FMNL2: variants seen among roughly 807,000 people sequenced by gnomAD.
FMNL2 encodes formin-like protein 2.
In FMNL2, 51 loss-of-function variants were observed where a neutral mutation model predicts 130.2. The ratio of observed to expected loss-of-function variants is 0.39; its 90% CI spans 0.31 to 0.49. The LOEUF (loss-of-function observed/expected upper bound fraction) is 0.49. Ranked by LOEUF, FMNL2 falls within the 20% of genes least tolerant of loss-of-function variation. FMNL2 has a pLI of 0.85. For missense variants in FMNL2, 977 were observed against 1,316.2 expected (o/e 0.74, Z 3.99); for synonymous variants, 465 against 467.1 (o/e 1.00, Z 0.06).
chr2:152,605,031 G>A (rs140312363), intron 9 of FMNL2, among the ~76,000 whole-genome samples: 1,597 of 151,612 alleles, frequency 0.011, 26 homozygotes, highest in African/African-American at 0.036. Context: ...TGTGACTGAT[G>A]TCATAGTCTA....
chr2:152,562,026 A>G (rs758645420), intron 6 of FMNL2, among the ~76,000 whole-genome samples: 2 of 152,208 alleles, frequency 1.3e-5, no homozygotes, highest in South Asian at 2.1e-4. Flanking sequence ...CATACCTACA[A>G]TCATTCATTC....
At chr2:152,363,728 A>T (rs1683324719) in intron 1 of FMNL2, among the ~76,000 whole-genome samples, 2 of 151,950 alleles carry the variant, frequency 1.3e-5, no homozygotes, top group African/African-American at 2.4e-5. Flanking sequence ...TGCCTGGCTA[A>T]TTTTTGTGTT....
chr2:152,573,866 TAATAAGTATG>T (rs1696318173), intron 6 of FMNL2, among the ~76,000 whole-genome samples: 1 of 152,216 alleles, frequency 6.6e-6, no homozygotes, highest in Admixed American at 6.5e-5. Context: ...CTTTAAATGT[TAATAAGTATG>T]TATGTGTTAT....
rs563256351 is a variant in FMNL2 at position 152,558,780 on chromosome 2, G to A, written c.400G>A (p.Asp134Asn). 6.2e-7 allele frequency: 1 copy of A among 1,612,302 alleles called. No homozygotes were observed. The highest frequency in any genetic ancestry group is 1.1e-5 in the South Asian group (1 of 90,972). Reference sequence around the variant, plus strand: ...TCTGAATGAAGAAAACAAAGGTCTTGATGTTCTAGTGGAATATCTCTCATT... The same window carrying A: ...TCTGAATGAAGAAAACAAAGGTCTTAATGTTCTAGTGGAATATCTCTCATT... ...EFLNEENKGL[D>N]VLVEYLSFAQ... Residue 134 changes from aspartate (D) to asparagine (N), a missense_variant, in exon 5 of 26, where the codon GAT becomes AAT. Asp to Asn is a conservative substitution (Grantham distance 23). Coordinates refer to ENST00000288670, the MANE Select transcript of FMNL2 (RefSeq NM_052905.4).
At chr2:152,635,461 C>T (rs557489093) in intron 21 of FMNL2, among the ~76,000 whole-genome samples, 27 of 152,208 alleles carry the variant, frequency 1.8e-4, no homozygotes, top group African/African-American at 6.3e-4. Context: ...ACGTCATTTC[C>T]GTAGTCTAAA....
At chr2:152,426,180 C>T (rs759885040) in intron 1 of FMNL2, among the ~76,000 whole-genome samples, 1 of 152,094 alleles carries the variant, frequency 6.6e-6, no homozygotes, top group Non-Finnish European at 1.5e-5. Flanking sequence ...TTCTTTAGGC[C>T]ACAATGGACC....
At chr2:152,525,300 C>A (rs558750458) in intron 2 of FMNL2, among the ~76,000 whole-genome samples, 1 of 152,288 alleles carries the variant, frequency 6.6e-6, no homozygotes, top group South Asian at 2.1e-4. Context: ...CATAACTGTG[C>A]CCCTGCTGGA....
chr2:152,538,525 C>T (rs1694131458), intron 2 of FMNL2, among the ~76,000 whole-genome samples: 1 of 152,188 alleles, frequency 6.6e-6, no homozygotes, highest in Non-Finnish European at 1.5e-5. Context: ...GGTGATCCAC[C>T]TGCCTCAGCC....
chr2:152,579,084 C>A, intron 8 of FMNL2, 120 bp downstream of exon 8: 1 of 797,428 alleles, frequency 1.3e-6, no homozygotes, highest in Non-Finnish European at 2.0e-6. Flanking sequence ...ATAAGATTGG[C>A]TATAAACTCT....
intron 1 of FMNL2, among the ~76,000 whole-genome samples, chr2:152,380,656 C>T (rs140008052): frequency 2.0e-4 from 31 of 152,308 alleles, no homozygotes; most frequent in Admixed American, 3.9e-4. Flanking sequence ...GCTGTACCTA[C>T]CCTTCTAGGC....
intron 1 of FMNL2, among the ~76,000 whole-genome samples, chr2:152,516,930 A>G (rs1256803057): frequency 3.3e-5 from 5 of 152,148 alleles, no homozygotes; most frequent in Non-Finnish European, 5.9e-5. Context: ...TTCTAGTTAT[A>G]ATTTCTATTT....
At chr2:152,419,969 T>C (rs1686823971) in intron 1 of FMNL2, among the ~76,000 whole-genome samples, 1 of 152,194 alleles carries the variant, frequency 6.6e-6, no homozygotes, top group African/African-American at 2.4e-5. Flanking sequence ...CATCCTTCCC[T>C]CAAGGCTGAG....
intron 1 of FMNL2, among the ~76,000 whole-genome samples, chr2:152,361,109 A>G (rs1411057300): frequency 1.3e-5 from 2 of 152,210 alleles, no homozygotes; most frequent in East Asian, 1.9e-4. Context: ...TTGGGTCTAT[A>G]GTCTCATTTT....
intron 1 of FMNL2, among the ~76,000 whole-genome samples, chr2:152,429,303 C>G (rs1403264361): frequency 6.6e-6 from 1 of 151,954 alleles, no homozygotes; most frequent in South Asian, 2.1e-4. Context: ...AGAGCTGTCC[C>G]TTTCTAGGCC....
rs188891982 is a variant in FMNL2, at chr2:152,348,246, G to A, written c.117+12526G>A. On this transcript the variant is annotated intron_variant, in intron 1 of 25. Transcript: ENST00000288670. ...TGTATAACTTCTGATTGTAAAATAG[G>A]GAGATGCTTTCATATGTAGCTTTGT... 6.6e-5 allele frequency among the ~76,000 whole-genome samples: 10 copies of A among 152,314 alleles called. No individual in the cohort carries two copies. The South Asian group carries it at 1.7e-3, about 25-fold the overall frequency.
chr2:152,436,398 C>G (rs1305589541), intron 1 of FMNL2, among the ~76,000 whole-genome samples: 1 of 152,150 alleles, frequency 6.6e-6, no homozygotes, highest in Non-Finnish European at 1.5e-5. Context: ...TGACCTCAGC[C>G]TCCCAAGGTG....
intron 1 of FMNL2, among the ~76,000 whole-genome samples, chr2:152,457,070 T>C (rs1157594223): frequency 6.6e-6 from 1 of 151,952 alleles, no homozygotes; most frequent in Non-Finnish European, 1.5e-5. Context: ...GCCCGAAGAA[T>C]GGAGTTGACT....
intron 1 of FMNL2, among the ~76,000 whole-genome samples, chr2:152,394,302 A>G (rs1444623268): frequency 6.6e-6 from 1 of 152,152 alleles, no homozygotes; most frequent in Non-Finnish European, 1.5e-5. Context: ...CTAGTTGTGT[A>G]TAGTGTGATT....
At chr2:152,443,703 C>T (rs543536081) in intron 1 of FMNL2, among the ~76,000 whole-genome samples, 5 of 152,132 alleles carry the variant, frequency 3.3e-5, no homozygotes, top group East Asian at 3.9e-4. Flanking sequence ...GTTAGCCGGG[C>T]GTGGTGGCCG....
Sources: allele counts gnomAD v4.1 joint callset (sites outside exome capture counted in the v4.1 genomes callset), GRCh38; gene constraint gnomAD v4.1.1; transcripts MANE v1.5; gene names NCBI Gene and HGNC (gene_info 2026-07-23, HGNC 2026-07-21).